The following ATXN1 variants were observed in gnomAD, a reference collection of about 807,000 sequenced individuals.
ATXN1 encodes ataxin-1.
A neutral mutation model predicts 56.4 loss-of-function variants in ATXN1; 8 were observed. The ratio of observed to expected loss-of-function variants is 0.14; its 90% CI spans 0.08 to 0.26. ATXN1 has a LOEUF of 0.26. ATXN1 is among the 10% of genes least tolerant of loss of function. The pLI, the probability that ATXN1 is intolerant of heterozygous loss-of-function variation, is 1.00. For synonymous variants in ATXN1, 514 were observed against 494.6 expected (o/e 1.04, Z -0.52); for missense variants, 987 against 1,106.5 (o/e 0.89, Z 1.53).
chr6:16,652,892 T>G (rs914742333), intron 3 of ATXN1: 1 of 152,174 alleles, frequency 6.6e-6, no homozygotes, highest in Non-Finnish European at 1.5e-5. Flanking sequence ...CAAAACTGAA[T>G]AGAGACCTGG....
chr6:16,409,160 C>T (rs1758746727), intron 6 of ATXN1, among the ~76,000 whole-genome samples: 1 of 152,026 alleles, frequency 6.6e-6, no homozygotes. Context: ...ATAAATGACT[C>T]GGACTTGCTT....
chr6:16,353,314 G>A (rs1039119628), intron 6 of ATXN1, among the ~76,000 whole-genome samples: 3 of 152,154 alleles, frequency 2.0e-5, no homozygotes, highest in Admixed American at 1.3e-4. Context: ...AAGGAAAAGC[G>A]CTCATAGAAT....
At chr6:16,341,923 C>T (rs1004908462) in intron 6 of ATXN1, among the ~76,000 whole-genome samples, 1 of 145,630 alleles carries the variant, frequency 6.9e-6, no homozygotes, top group South Asian at 2.2e-4. Flanking sequence ...GCTCTGTCAC[C>T]CAGGCTGGTG....
At chr6:16,456,611 A>G (rs1474565943) in intron 6 of ATXN1, among the ~76,000 whole-genome samples, 1 of 152,204 alleles carries the variant, frequency 6.6e-6, no homozygotes, top group Non-Finnish European at 1.5e-5. Flanking sequence ...TCAAAGTTAC[A>G]TAGCCCAAAC....
intron 2 of ATXN1, among the ~76,000 whole-genome samples, chr6:16,747,933 C>T (rs1760588141): frequency 6.6e-6 from 1 of 152,192 alleles, no homozygotes; most frequent in African/African-American, 2.4e-5. Flanking sequence ...AGCTTGCGTT[C>T]AGCGCCACAC....
At chr6:16,379,619 A>G (rs1021914933) in intron 6 of ATXN1, among the ~76,000 whole-genome samples, 1 of 152,204 alleles carries the variant, frequency 6.6e-6, no homozygotes, top group African/African-American at 2.4e-5. Flanking sequence ...ACATCCAGGA[A>G]GTGCTAACCA....
intron 4 of ATXN1, among the ~76,000 whole-genome samples, chr6:16,560,559 A>T (rs1004568433): frequency 6.6e-6 from 1 of 152,222 alleles, no homozygotes; most frequent in African/African-American, 2.4e-5. Flanking sequence ...ATTGGTCTGC[A>T]GGGCCCAGCT....
chr6:16,328,452 C>T lies in ATXN1; in HGVS notation c.-142G>A. 7.7e-7 allele frequency: 1 copy of T among 1,296,304 alleles called. No individual in the cohort carries two copies. The highest frequency in any genetic ancestry group is 1.5e-5 in the African/African-American group (1 of 67,544). The allele number at this position is 1,296,304 out of a possible 1,614,324, so 80.3% of individuals were successfully genotyped here. A position where few individuals can be genotyped will look rare whatever the true frequency, so the allele number is the denominator to read the frequency against. On this transcript the variant is annotated 5_prime_UTR_variant, in exon 7 of 8. An upstream open reading frame in the 5' UTR gains an earlier in-frame stop. Transcript: ENST00000436367. This position sits in a 1 kb window ranked among gnomAD's most constrained non-coding sequence, Gnocchi z 6.2. ...ATCATCTCCCCGTGGGTACAATCCG[C>T]CAACAGCAGCTCTGGATGCTGGGAA...
intron 2 of ATXN1, among the ~76,000 whole-genome samples, chr6:16,728,593 C>A (rs908730554): frequency 1.3e-5 from 2 of 152,212 alleles, no homozygotes; most frequent in African/African-American, 4.8e-5. Context: ...AGTTAGAAAA[C>A]TCCAAAGGAG....
intron 3 of ATXN1, among the ~76,000 whole-genome samples, chr6:16,617,387 G>A (rs1395030388): frequency 6.6e-6 from 1 of 150,732 alleles, no homozygotes; most frequent in South Asian, 2.1e-4. Context: ...ATGTACACAT[G>A]AAAGAATAAA....
intron 2 of ATXN1, among the ~76,000 whole-genome samples, chr6:16,690,992 AG>A (rs1478252025): frequency 6.6e-6 from 1 of 152,244 alleles, no homozygotes; most frequent in East Asian, 1.9e-4. Flanking sequence ...GGAGATAAGA[AG>A]GAAGACAGTA....
At chr6:16,634,835 C>G (rs1053260514) in intron 3 of ATXN1, among the ~76,000 whole-genome samples, 1 of 152,074 alleles carries the variant, frequency 6.6e-6, no homozygotes, top group African/African-American at 2.4e-5. Context: ...GTGCAGAGTG[C>G]TCAGCTCAGT....
At chr6:16,642,793 T>C (rs1763729108) in intron 3 of ATXN1, among the ~76,000 whole-genome samples, 1 of 152,238 alleles carries the variant, frequency 6.6e-6, no homozygotes, top group Non-Finnish European at 1.5e-5. Flanking sequence ...GTTAACAGTT[T>C]TTAGCAATAA....
chr6:16,392,503 T>G (rs1245483239), intron 6 of ATXN1, among the ~76,000 whole-genome samples: 1 of 111,490 alleles, frequency 9.0e-6, no homozygotes, highest in African/African-American at 3.9e-5. Flanking sequence ...AACCCATTCT[T>G]TTTTTTTTTT....
At chr6:16,748,462 A>G (rs1367405883) in intron 2 of ATXN1, among the ~76,000 whole-genome samples, 1 of 152,198 alleles carries the variant, frequency 6.6e-6, no homozygotes, top group East Asian at 1.9e-4. Context: ...TCCAAGCACG[A>G]TTCTATCACT....
chr6:16,302,897 A>C lies in ATXN1; in HGVS notation c.*3432T>G, dbSNP rs1361913175. On this transcript the variant is annotated 3_prime_UTR_variant, in exon 8 of 8. Transcript: ENST00000436367. Reference sequence around the variant, plus strand: ...CCCTGTCATCGTTAATGTTTGCTACACAGAAGCGGTGACAGAGGCTGCTCT... The same window carrying C: ...CCCTGTCATCGTTAATGTTTGCTACCCAGAAGCGGTGACAGAGGCTGCTCT... The C allele has an allele frequency of 6.6e-6, 1 of 152,666 alleles. No individual in the cohort carries two copies. Among genetic ancestry groups the C allele is most frequent in the Non-Finnish European group, 1.5e-5 (1 of 68,056 alleles). 9.5% of individuals were successfully genotyped at this position (152,666 alleles called of 1,614,324 possible). A position where few individuals can be genotyped will look rare whatever the true frequency, so the allele number is the denominator to read the frequency against.
chr6:16,341,105 TC>T (rs1369635705), intron 6 of ATXN1, among the ~76,000 whole-genome samples: 1 of 152,168 alleles, frequency 6.6e-6, no homozygotes, highest in African/African-American at 2.4e-5. Context: ...ATACTGAACA[TC>T]CCAACAGACC....
At chr6:16,449,986 T>A (rs972551583) in intron 6 of ATXN1, among the ~76,000 whole-genome samples, 7 of 152,260 alleles carry the variant, frequency 4.6e-5, no homozygotes, top group Non-Finnish European at 1.0e-4. Flanking sequence ...CTTGATTTTA[T>A]AAGTCAGCAT....
At chr6:16,405,068 C>A (rs531522913) in intron 6 of ATXN1, among the ~76,000 whole-genome samples, 3 of 152,322 alleles carry the variant, frequency 2.0e-5, no homozygotes, top group African/African-American at 4.8e-5. Context: ...GACCAGCCAA[C>A]AAGTATGTAC....
Sources: gnomAD v4.1 joint callset for allele counts (sites outside exome capture counted in the v4.1 genomes callset) on GRCh38, gnomAD v4.1.1 for gene constraint, Gnocchi (gnomAD v3.1) non-coding constraint, MANE v1.5 for transcripts, NCBI Gene and HGNC (gene_info 2026-07-23, HGNC 2026-07-21) for gene names.